Variants in BACH2 observed in about 807,000 individuals in gnomAD.
BACH2 encodes the protein transcription regulator protein BACH2.
A neutral mutation model predicts 61.8 loss-of-function variants in BACH2; 5 were observed. That is an observed-to-expected ratio of 0.08 (90% confidence interval 0.04 to 0.17). BACH2 has a LOEUF of 0.17. Among genes scored for constraint, BACH2 ranks in the 10% least tolerant of loss-of-function variants. The pLI is 1.00. For missense variants in BACH2, 824 were observed against 1,091.1 expected (o/e 0.76, Z 3.45); for synonymous variants, 446 against 440.1 (o/e 1.01, Z -0.17).
At chr6:90,020,925 A>G (rs1238256834) in intron 5 of BACH2, among the ~76,000 whole-genome samples, 2 of 152,164 alleles carry the variant, frequency 1.3e-5, no homozygotes, top group East Asian at 3.9e-4. Context: ...GCATTAGACA[A>G]CGTGTTAAAG....
chr6:90,087,358 C>T (rs1440922511), intron 5 of BACH2, among the ~76,000 whole-genome samples: 1 of 152,118 alleles, frequency 6.6e-6, no homozygotes, highest in African/African-American at 2.4e-5. Context: ...TGGACAGTAT[C>T]ACTCATACTA....
intron 4 of BACH2, among the ~76,000 whole-genome samples, chr6:90,165,884 T>G (rs1767594361): frequency 6.6e-6 from 1 of 152,212 alleles, no homozygotes; most frequent in Admixed American, 6.5e-5. Context: ...GATCCCTTCC[T>G]TACACCTTAT....
intron 2 of BACH2, among the ~76,000 whole-genome samples, chr6:90,271,366 T>TAAAAA (rs3073450): frequency 1.8e-4 from 19 of 103,878 alleles, no homozygotes; most frequent in African/African-American, 5.3e-4. Flanking sequence ...CAACCCCATT[T>TAAAAA]AAAAAAAAAA....
intron 4 of BACH2, among the ~76,000 whole-genome samples, chr6:90,182,308 C>T (rs1768192889): frequency 6.6e-6 from 1 of 152,090 alleles, no homozygotes. Context: ...TCCTTCAGGC[C>T]CATCACATAC....
intron 3 of BACH2, among the ~76,000 whole-genome samples, chr6:90,216,056 G>A (rs1444480259): frequency 2.0e-5 from 3 of 152,154 alleles, no homozygotes; most frequent in Admixed American, 6.5e-5. Flanking sequence ...TGCAACAAGG[G>A]CACAACCACC....
intron 2 of BACH2, among the ~76,000 whole-genome samples, chr6:90,257,866 C>T (rs1196113127): frequency 6.6e-6 from 1 of 152,160 alleles, no homozygotes; most frequent in Non-Finnish European, 1.5e-5. Flanking sequence ...ATCTCGGCCT[C>T]CTGGGTTCAA....
At chr6:90,288,586 T>C (rs553943048) in intron 1 of BACH2, among the ~76,000 whole-genome samples, 7 of 152,208 alleles carry the variant, frequency 4.6e-5, no homozygotes, top group East Asian at 1.9e-4. Flanking sequence ...CCTGAGGTAA[T>C]TGGGGGTTAC....
intron 4 of BACH2, among the ~76,000 whole-genome samples, chr6:90,165,818 T>C (rs543380682): frequency 1.3e-5 from 2 of 152,342 alleles, no homozygotes; most frequent in East Asian, 3.9e-4. Context: ...AAGGATTCCC[T>C]ATTTAATAAA....
chr6:90,091,702 C>T (rs1241437420), intron 4 of BACH2, among the ~76,000 whole-genome samples: 1 of 152,132 alleles, frequency 6.6e-6, no homozygotes. Context: ...TCTGCACCCA[C>T]TAATACTATA....
At chr6:90,270,210 T>C (rs2039664641) in intron 2 of BACH2, among the ~76,000 whole-genome samples, 1 of 152,216 alleles carries the variant, frequency 6.6e-6, no homozygotes, top group South Asian at 2.1e-4. Flanking sequence ...AAGTGTCTTT[T>C]TCATATAATG....
intron 5 of BACH2, among the ~76,000 whole-genome samples, chr6:90,047,522 A>G (rs1779843768): frequency 6.6e-6 from 1 of 152,052 alleles, no homozygotes; most frequent in South Asian, 2.1e-4. Context: ...TTCATGCCCC[A>G]TTTCCCCGAA....
At chr6:90,039,326 T>TA (rs1273308703) in intron 5 of BACH2, among the ~76,000 whole-genome samples, 3 of 152,216 alleles carry the variant, frequency 2.0e-5, no homozygotes, top group Non-Finnish European at 4.4e-5. Flanking sequence ...GTAGTTTTGA[T>TA]ACTGCCAAAT....
intron 4 of BACH2, among the ~76,000 whole-genome samples, chr6:90,154,447 T>C (rs1348424081): frequency 6.6e-6 from 1 of 152,200 alleles, no homozygotes; most frequent in African/African-American, 2.4e-5. Context: ...ACTCCTTTTA[T>C]AGATGAGAAA....
chr6:89,985,207 T>A (rs77810051), intron 6 of BACH2, among the ~76,000 whole-genome samples: 1,643 of 152,282 alleles, frequency 0.011, 39 homozygotes, highest in African/African-American at 0.037. Context: ...TAGTGAGAAT[T>A]AACGGATTAA....
intron 5 of BACH2, among the ~76,000 whole-genome samples, chr6:90,019,141 A>C (rs1217710880): frequency 6.6e-6 from 1 of 152,218 alleles, no homozygotes; most frequent in Admixed American, 6.5e-5. Context: ...TTGCATGTAT[A>C]AGGAAACACT....
At chr6:89,940,270 A>G (rs896960132) in intron 7 of BACH2, among the ~76,000 whole-genome samples, 1 of 152,310 alleles carries the variant, frequency 6.6e-6, no homozygotes, top group East Asian at 1.9e-4. Flanking sequence ...TTGGCCTCCC[A>G]AAATGCTGGG....
rs71298713 is a variant in BACH2 at position 89,939,656 on chromosome 6, CTTTTTTT to C, written c.1837-1313_1837-1307del. Among the ~76,000 whole-genome samples, 274 of 82,604 alleles carry C rather than the reference CTTTTTTT, an allele frequency of 3.3e-3. 1 individual carries two copies. Among genetic ancestry groups the C allele is most frequent in the South Asian group, 0.014 (27 of 1,930 alleles). 54.2% of individuals were successfully genotyped at this position (82,604 alleles called of 152,430 possible). On this transcript the variant is annotated intron_variant, in intron 7 of 8. Coordinates refer to ENST00000257749, the MANE Select transcript of BACH2 (RefSeq NM_021813.4). ...TGTTGTTAAATGATTGCTTATATTT[CTTTTTTT>C]TTTTTTTTTTTTTTTTTTTGAGACA... is the stretch of plus-strand genomic sequence containing the variant.
At chr6:90,199,176 G>A (rs1582476105) in intron 4 of BACH2, among the ~76,000 whole-genome samples, 1 of 152,330 alleles carries the variant, frequency 6.6e-6, no homozygotes, top group Middle Eastern at 3.4e-3. Flanking sequence ...TCTTGGAGAA[G>A]TAGACACCAG....
chr6:90,064,014 A>G (rs957838173), intron 5 of BACH2, among the ~76,000 whole-genome samples: 31 of 152,222 alleles, frequency 2.0e-4, no homozygotes, highest in Admixed American at 5.9e-4. Context: ...CAAAAGTGCT[A>G]TGCAAATATC....
Sources: allele counts gnomAD v4.1 joint callset (sites outside exome capture counted in the v4.1 genomes callset), GRCh38; gene constraint gnomAD v4.1.1; transcripts MANE v1.5; gene names NCBI Gene and HGNC (gene_info 2026-07-23, HGNC 2026-07-21).